The following ZNF438 variants were observed in gnomAD, a reference collection of about 807,000 sequenced individuals.
ZNF438 encodes zinc finger protein 438.
Under a neutral mutation model 38.0 loss-of-function variants are expected in ZNF438, and 25 were observed. That is an observed-to-expected ratio of 0.66 (90% CI 0.48 to 0.92). The LOEUF (loss-of-function observed/expected upper bound fraction) is 0.92. Ranked by LOEUF, ZNF438 falls within the 40% of genes least tolerant of loss-of-function variation. The probability of loss-of-function intolerance (pLI) is 0.00; values close to 1 mark genes in which losing one functional copy is unlikely to be tolerated. For synonymous variants in ZNF438, 372 were observed against 364.1 expected (o/e 1.02, Z -0.25); for missense variants, 1,007 against 999.6 (o/e 1.01, Z -0.10).
intron 3 of ZNF438, among the ~76,000 whole-genome samples, chr10:30,889,396 C>G (rs1188978398): frequency 6.6e-6 from 1 of 152,114 alleles, no homozygotes; most frequent in African/African-American, 2.4e-5. Context: ...TTAAAAAATA[C>G]TCCCCTCCCC....
At position 30,847,307 on chromosome 10, in the gene ZNF438, G is replaced by A. The variant is rs74376836; in HGVS notation, c.1874+1224C>T. On this transcript the variant is annotated intron_variant, in intron 5 of 5. Coordinates refer to ENST00000413025, the Ensembl canonical transcript of ZNF438. Reference sequence around the variant, plus strand: ...CTCCTCTGAGGCACATAAAAGCCCCGGACTTAGCCAGACTTGAAGAGACAA... The same window carrying A: ...CTCCTCTGAGGCACATAAAAGCCCCAGACTTAGCCAGACTTGAAGAGACAA... Among the ~76,000 whole-genome samples the A allele has an allele frequency of 1.2e-3, 177 of 152,230 alleles. 1 individual carries two copies. Among genetic ancestry groups the A allele is most frequent in the African/African-American group, 4.1e-3 (172 of 41,554 alleles).
intron 3 of ZNF438, among the ~76,000 whole-genome samples, chr10:30,898,357 A>T (rs2041607853): frequency 6.6e-6 from 1 of 152,188 alleles, no homozygotes; most frequent in South Asian, 2.1e-4. Flanking sequence ...CATCATCTTA[A>T]GTGAAGCAAG....
At chr10:30,907,336 T>C (rs563810001) in intron 3 of ZNF438, among the ~76,000 whole-genome samples, 20 of 152,328 alleles carry the variant, frequency 1.3e-4, no homozygotes, top group Admixed American at 5.9e-4. Flanking sequence ...TGTGTTGTTG[T>C]TGTCTTGTCC....
chr10:30,907,208 C>T (rs1031050343), intron 3 of ZNF438, among the ~76,000 whole-genome samples: 1 of 152,206 alleles, frequency 6.6e-6, no homozygotes, highest in Non-Finnish European at 1.5e-5. Context: ...CTCCTCAACT[C>T]AGGTGACCCA....
intron 1 of ZNF438, among the ~76,000 whole-genome samples, chr10:30,993,591 T>C (rs2053732981): frequency 6.6e-6 from 1 of 152,256 alleles, no homozygotes; most frequent in Admixed American, 6.5e-5. Context: ...TGGCAGAGAC[T>C]TGTCAACAAG....
At chr10:30,883,069 A>G (rs2994613) in intron 3 of ZNF438, among the ~76,000 whole-genome samples, 49,984 of 151,926 alleles carry the variant, frequency 0.33, 8,589 homozygotes, top group Middle Eastern at 0.4. Context: ...TACTATAAAA[A>G]TGAGTAAGGA....
In ZNF438 at chr10:30,909,023, A is replaced by T. The variant is rs927184082; in HGVS notation, c.-114-8T>A. On this transcript the variant is annotated splice_polypyrimidine_tract_variant and splice_region_variant and intron_variant, in intron 2 of 5. Transcript: ENST00000413025. ...GTACTTTCTTCAACATACCTAAAAA[A>T]AGAAAACTGGATTTACAAACTTTTA... The T allele has an allele frequency of 2.0e-5, 3 of 152,214 alleles. No homozygotes were observed. Among genetic ancestry groups the T allele is most frequent in the Non-Finnish European group, 2.9e-5 (2 of 68,018 alleles). 9.4% of individuals were successfully genotyped at this position (152,214 alleles called of 1,614,324 possible).
chr10:31,011,559 G>A (rs1454471415), intron 1 of ZNF438, among the ~76,000 whole-genome samples: 1 of 152,208 alleles, frequency 6.6e-6, no homozygotes, highest in Admixed American at 6.5e-5. Flanking sequence ...AAACAGGAAA[G>A]GGTGCGGTAT....
intron 1 of ZNF438, among the ~76,000 whole-genome samples, chr10:31,001,585 C>T (rs2054664725): frequency 6.6e-6 from 1 of 152,002 alleles, no homozygotes; most frequent in Non-Finnish European, 1.5e-5. Context: ...AGTTTGTTAC[C>T]TATAACTTTA....
chr10:30,986,067 C>T (rs768245830), intron 1 of ZNF438, among the ~76,000 whole-genome samples: 1 of 151,946 alleles, frequency 6.6e-6, no homozygotes, highest in Non-Finnish European at 1.5e-5. Context: ...GGTTTGTAGC[C>T]CAGGAACAAG....
rs1415336670 is a variant in ZNF438 at position 30,872,682 on chromosome 10, G to A, written c.37+4316C>T. Reference sequence around the variant, plus strand: ...GGAGAATGGCATGAACCTGGGAGGCGGAGCTTGCAGTGAGCCAAGATCGCA... The same window carrying A: ...GGAGAATGGCATGAACCTGGGAGGCAGAGCTTGCAGTGAGCCAAGATCGCA... On this transcript the variant is annotated intron_variant, in intron 4 of 5. Coordinates refer to ENST00000413025, the Ensembl canonical transcript of ZNF438. Among the ~76,000 whole-genome samples the A allele has an allele frequency of 3.5e-5, 5 of 142,322 alleles. No individual in the cohort carries two copies. The East Asian group carries it at 6.4e-4, about 18-fold the overall frequency. 93.4% of individuals were successfully genotyped at this position (142,322 alleles called of 152,430 possible).
intron 1 of ZNF438, among the ~76,000 whole-genome samples, chr10:30,987,417 T>C (rs1343927367): frequency 6.6e-6 from 1 of 152,122 alleles, no homozygotes; most frequent in Non-Finnish European, 1.5e-5. Flanking sequence ...TTTTGTTATC[T>C]ATCTTAGAAT....
At chr10:30,951,788 T>C (rs2048233995) in intron 1 of ZNF438, among the ~76,000 whole-genome samples, 1 of 149,244 alleles carries the variant, frequency 6.7e-6, no homozygotes, top group South Asian at 2.1e-4. Context: ...TGCTCATGTG[T>C]AGGAAGAATC....
chr10:30,899,315 A>G (rs1179901140), intron 3 of ZNF438, among the ~76,000 whole-genome samples: 1 of 152,234 alleles, frequency 6.6e-6, no homozygotes, highest in Admixed American at 6.5e-5. Flanking sequence ...CAAATAAGAA[A>G]GATCCACATC....
chr10:30,998,988 C>T lies in ZNF438; in HGVS notation c.-192+32845G>A, dbSNP rs552973997. ...GATAGCTTTGATTCATATCAGAAGA[C>T]GGAAAATCAACACTGTAGCCACATA... On this transcript the variant is annotated intron_variant, in intron 1 of 5. Coordinates refer to ENST00000413025, the Ensembl canonical transcript of ZNF438. Among the ~76,000 whole-genome samples the T allele has an allele frequency of 1.4e-4, 22 of 151,990 alleles. 1 individual carries two copies. In the East Asian group the frequency reaches 1.7e-3, roughly 12 times the overall value.
intron 4 of ZNF438, among the ~76,000 whole-genome samples, chr10:30,852,692 A>C (rs534283541): frequency 4.6e-5 from 7 of 152,270 alleles, no homozygotes; most frequent in African/African-American, 1.7e-4. Flanking sequence ...ATTATGAAAC[A>C]TAAGTTCACA....
In ZNF438 at chr10:30,910,660, C is replaced by T. The variant is rs187751170; in HGVS notation, c.-114-1645G>A. Among the ~76,000 whole-genome samples the T allele has an allele frequency of 2.8e-3, 340 of 120,360 alleles. 3 individuals are homozygous for T. The highest frequency in any genetic ancestry group is 0.01 in the African/African-American group (318 of 31,318). The allele number at this position is 120,360 out of a possible 152,430, so 79.0% of individuals were successfully genotyped here. On this transcript the variant is annotated intron_variant, in intron 2 of 5. Coordinates refer to ENST00000413025, the Ensembl canonical transcript of ZNF438. ...CCCTTTAAAGAACCACTGCTTTAGACGAATCTTTATTTGTATATTGGCCAA... is the reference window on the plus strand; with the variant it reads ...CCCTTTAAAGAACCACTGCTTTAGATGAATCTTTATTTGTATATTGGCCAA...
intron 5 of ZNF438, among the ~76,000 whole-genome samples, chr10:30,846,722 C>T (rs954658808): frequency 7.9e-5 from 12 of 152,150 alleles, no homozygotes; most frequent in Non-Finnish European, 1.6e-4. Context: ...AGCGCTCCTG[C>T]CCTCCCAGGC....
chr10:30,859,187 T>A (rs938723543), intron 4 of ZNF438, among the ~76,000 whole-genome samples: 1 of 152,136 alleles, frequency 6.6e-6, no homozygotes, highest in East Asian at 1.9e-4. Flanking sequence ...GCTCAGCTGA[T>A]CCTCCCACGT....
Sources: gnomAD v4.1 joint callset for allele counts (sites outside exome capture counted in the v4.1 genomes callset) on GRCh38, gnomAD v4.1.1 for gene constraint, MANE v1.5 for transcripts, NCBI Gene and HGNC (gene_info 2026-07-23, HGNC 2026-07-21) for gene names.